REPS2: variants seen among roughly 807,000 people sequenced by gnomAD.
The protein encoded by REPS2 is RALBP1 associated Eps domain containing 2, also known as ralBP1-associated Eps domain-containing protein 2.
REPS2 carries 23 observed loss-of-function variants against 53.6 expected under a neutral mutation model. The ratio of observed to expected loss-of-function variants is 0.43; its 90% CI spans 0.31 to 0.61. The LOEUF is 0.61. Ranked by LOEUF, REPS2 falls within the 20% of genes least tolerant of loss-of-function variation. The pLI, the probability that REPS2 is intolerant of heterozygous loss-of-function variation, is 0.11. For synonymous variants in REPS2, 238 were observed against 218.6 expected (o/e 1.09, Z -0.78); for missense variants, 446 against 534.9 (o/e 0.83, Z 1.64).
At chrX:17,132,780 C>T (rs1487117138) in intron 14 of REPS2, among the ~76,000 whole-genome samples, 4 of 111,689 alleles carry the variant, frequency 3.6e-5, no homozygotes, top group East Asian at 2.8e-4. Flanking sequence ...TCAGGTGATC[C>T]GCCTGCTTCG....
chrX:17,027,581 C>T (rs759100745), intron 4 of REPS2, among the ~76,000 whole-genome samples: 2 of 108,598 alleles, frequency 1.8e-5, no homozygotes, highest in South Asian at 8.1e-4. Context: ...TAGAGTCACT[C>T]AGTTTTAGGG....
chrX:17,158,028 A>C (rs886340850), downstream of REPS2, among the ~76,000 whole-genome samples: 2 of 112,064 alleles, frequency 1.8e-5, no homozygotes, highest in African/African-American at 6.5e-5. Flanking sequence ...CTGTGTTGAT[A>C]AATGTCAGAT....
chrX:17,033,935 G>C (rs146047038), intron 5 of REPS2, among the ~76,000 whole-genome samples: 37 of 111,977 alleles, frequency 3.3e-4, no homozygotes, highest in African/African-American at 1.1e-3. Flanking sequence ...TGTTCTCTGC[G>C]TGGGAGCCTT....
the REPS2 span, among the ~76,000 whole-genome samples, chrX:17,173,222 T>G: frequency 8.9e-6 from 1 of 112,021 alleles, no homozygotes; most frequent in Admixed American, 9.5e-5. Flanking sequence ...CTCACAAGGT[T>G]GCTAGCATGA....
At chrX:16,984,193 T>A (rs770156489) in intron 1 of REPS2, among the ~76,000 whole-genome samples, 16 of 112,146 alleles carry the variant, frequency 1.4e-4, no homozygotes, top group African/African-American at 4.2e-4. Context: ...GCTGCAGCGA[T>A]CTGAAGACCT....
In REPS2 at chrX:17,047,371, C is replaced by T; in HGVS notation, c.796C>T (p.Gln266Ter). 8.3e-7 allele frequency: 1 copy of T among 1,210,538 alleles called. No individual in the cohort carries two copies. Among genetic ancestry groups the T allele is most frequent in the Non-Finnish European group, 1.1e-6 (1 of 894,577 alleles). ...GTCCTTTTCAGTGGAGAGGGAACTA[C>T]AGGATAACAGCAGTTACCCCGACGA... is the stretch of plus-strand genomic sequence containing the variant. ...IRSFSVEREL[Q>*]DNSSYPDEPW... is the part of the protein sequence containing the mutation. The change falls in exon 6 of 18, where the codon CAG (glutamine) becomes TAG (stop). Residue 266 changes from glutamine to a stop codon, truncating the protein, a stop_gained. Transcript: ENST00000357277. LOFTEE classifies it high-confidence loss of function.
At chrX:17,049,275 A>T (rs2061948625) in intron 6 of REPS2, among the ~76,000 whole-genome samples, 1 of 112,211 alleles carries the variant, frequency 8.9e-6, no homozygotes, top group African/African-American at 3.2e-5. Flanking sequence ...AAACAGCCTC[A>T]GGCAGGAACT....
intron 14 of REPS2, among the ~76,000 whole-genome samples, chrX:17,120,739 T>A (rs1886652044): frequency 8.9e-6 from 1 of 111,918 alleles, no homozygotes; most frequent in Admixed American, 9.5e-5. Flanking sequence ...TCTCTGCCTA[T>A]GTCAGGGGTT....
rs1381570787 is a variant in REPS2, at chrX:17,110,534, A to C, written c.1578+6755A>C. On this transcript the variant is annotated intron_variant, in intron 14 of 17. Transcript: ENST00000357277. Reference sequence around the variant, plus strand: ...ACCTCATCTCTACTCAAAAAAAAAAAAACAAAAATTAGCCGGGCGGGGTGG... The same window carrying C: ...ACCTCATCTCTACTCAAAAAAAAAACAACAAAAATTAGCCGGGCGGGGTGG... Among the ~76,000 whole-genome samples the C allele has an allele frequency of 5.6e-5, 6 of 106,886 alleles. 1 individual carries two copies. The South Asian group carries it at 2.1e-3, about 37-fold the overall frequency. 92.8% of individuals were successfully genotyped at this position (106,886 alleles called of 115,157 possible).
At chrX:17,042,971 A>AT (rs951781455) in intron 5 of REPS2, among the ~76,000 whole-genome samples, 2 of 107,906 alleles carry the variant, frequency 1.9e-5, no homozygotes, top group Non-Finnish European at 3.9e-5. Flanking sequence ...GTTTTTAAAT[A>AT]TTTTTTGTAG....
chrX:17,023,392 C>T (rs1257829474), intron 3 of REPS2, among the ~76,000 whole-genome samples: 1 of 105,927 alleles, frequency 9.4e-6, no homozygotes, highest in African/African-American at 3.5e-5. Context: ...CACATCACTG[C>T]ACTCCAGCCT....
intron 2 of REPS2, among the ~76,000 whole-genome samples, chrX:17,016,019 G>A (rs2147826117): frequency 8.9e-6 from 1 of 111,762 alleles, no homozygotes; most frequent in Non-Finnish European, 1.9e-5. Flanking sequence ...CTAGTTTACA[G>A]TCCCACCAAC....
At chrX:16,950,218 A>G (rs2060490946) in intron 1 of REPS2, among the ~76,000 whole-genome samples, 1 of 111,563 alleles carries the variant, frequency 9.0e-6, no homozygotes, top group Admixed American at 9.6e-5. Context: ...TTGGTGGCTC[A>G]TTTCTTTATA....
the REPS2 span, among the ~76,000 whole-genome samples, chrX:17,168,233 G>A: frequency 8.9e-6 from 1 of 111,870 alleles, no homozygotes; most frequent in East Asian, 2.8e-4. Context: ...TAGAAGGTAG[G>A]GGCCAGGCAT....
chrX:16,975,572 A>G (rs1362599578), intron 1 of REPS2, among the ~76,000 whole-genome samples: 1 of 111,673 alleles, frequency 9.0e-6, no homozygotes, highest in African/African-American at 3.3e-5. Context: ...CATAAGTGAC[A>G]TGTCCTTCTC....
rs1022874637 is a variant in REPS2, at chrX:17,006,978, G to T, written c.397+634G>T. 2.2e-4 allele frequency among the ~76,000 whole-genome samples: 25 copies of T among 112,304 alleles called. No individual in the cohort carries two copies. In the Admixed American group the frequency reaches 2.3e-3, roughly 10 times the overall value. On this transcript the variant is annotated intron_variant, in intron 2 of 17. Coordinates refer to ENST00000357277, the MANE Select transcript of REPS2 (RefSeq NM_004726.3). Reference sequence around the variant, plus strand: ...ATTAGCAGTATTTCTGCTGCCTCAGGATTGGTTTTAAAAATCTGTATGAAA... The same window carrying T: ...ATTAGCAGTATTTCTGCTGCCTCAGTATTGGTTTTAAAAATCTGTATGAAA...
chrX:17,114,360 G>T (rs2063018220), intron 14 of REPS2, among the ~76,000 whole-genome samples: 1 of 111,560 alleles, frequency 9.0e-6, no homozygotes, highest in Non-Finnish European at 1.9e-5. Flanking sequence ...TATATTTTGG[G>T]AGATGATGTA....
chrX:17,171,545 G>A, the REPS2 span, among the ~76,000 whole-genome samples: 1 of 111,121 alleles, frequency 9.0e-6, no homozygotes, highest in African/African-American at 3.3e-5. Flanking sequence ...TTTGAGACAA[G>A]GTCTTGCTCT....
chrX:17,045,063 G>A (rs1443541296), intron 5 of REPS2, among the ~76,000 whole-genome samples: 1 of 110,800 alleles, frequency 9.0e-6, no homozygotes, highest in Non-Finnish European at 1.9e-5. Context: ...CCGAGTAGCT[G>A]GGATTACAGG....
Sources: allele counts gnomAD v4.1 joint callset (sites outside exome capture counted in the v4.1 genomes callset), GRCh38; gene constraint gnomAD v4.1.1; transcripts MANE v1.5; gene names NCBI Gene and HGNC (gene_info 2026-07-23, HGNC 2026-07-21).